Variants in UPF3A observed in about 807,000 individuals in gnomAD.
The protein encoded by UPF3A is UPF3A regulator of nonsense mediated mRNA decay.
UPF3A carries 42 observed loss-of-function variants against 53.5 expected under a neutral mutation model. That is an observed-to-expected ratio of 0.78 (90% CI 0.61 to 1.01). The LOEUF (loss-of-function observed/expected upper bound fraction) is 1.01, where lower values mean the gene tolerates loss of function less well. Ranked by LOEUF, UPF3A falls within the 50% of genes least tolerant of loss-of-function variation. UPF3A has a pLI of 0.00. For missense variants in UPF3A, 575 were observed against 598.0 expected (o/e 0.96, Z 0.40); for synonymous variants, 237 against 225.3 (o/e 1.05, Z -0.47).
intron 3 of UPF3A, 140 bp from the exon 4 acceptor site, chr13:114,286,162 G>A (rs1463494903): frequency 4.6e-6 from 5 of 1,092,706 alleles, no homozygotes; most frequent in Non-Finnish European, 6.3e-6. Flanking sequence ...ATCTCTTACT[G>A]GAAGGATGAA....
At chr13:114,294,689 G>A (rs568676034) in intron 7 of UPF3A, among the ~76,000 whole-genome samples, 1 of 151,968 alleles carries the variant, frequency 6.6e-6, no homozygotes, top group East Asian at 1.9e-4. Context: ...GCTGGGCGTG[G>A]TGGCACACGC....
chr13:114,299,115 T>C, intron 8 of UPF3A, 115 bp downstream of exon 8: 2 of 1,127,754 alleles, frequency 1.8e-6, no homozygotes, highest in Non-Finnish European at 2.4e-6. Context: ...CTTTCCAGGG[T>C]GTGCGAGTAC....
intron 5 of UPF3A, among the ~76,000 whole-genome samples, chr13:114,287,831 TC>T (rs869286208): frequency 4.0e-5 from 6 of 151,756 alleles, no homozygotes; most frequent in African/African-American, 1.5e-4. Context: ...AAGCTTTTTT[TC>T]CCCCCACTCT....
intron 7 of UPF3A, among the ~76,000 whole-genome samples, chr13:114,296,127 G>A (rs1423767144): frequency 6.6e-6 from 1 of 152,240 alleles, no homozygotes; most frequent in East Asian, 1.9e-4. Context: ...GCTCACGCCT[G>A]TAATCCCAGC....
chr13:114,305,039 A>C lies in UPF3A; in HGVS notation c.*122A>C. 2 of 1,343,538 alleles carry C rather than the reference A, an allele frequency of 1.5e-6. No individual in the cohort carries two copies. The highest frequency in any genetic ancestry group is 2.1e-6 in the Non-Finnish European group (2 of 964,764). 83.2% of individuals were successfully genotyped at this position (1,343,538 alleles called of 1,614,324 possible). ...CCAGGAAACTGGAAGCTAAAAATAC[A>C]GAGGGTGACGTAGAAACACGCAGAA... On this transcript the variant is annotated 3_prime_UTR_variant, in exon 10 of 10. Coordinates refer to ENST00000375299, the MANE Select transcript of UPF3A (RefSeq NM_023011.4).
chr13:114,302,427 C>T (rs1421120025), intron 9 of UPF3A, among the ~76,000 whole-genome samples: 3 of 152,086 alleles, frequency 2.0e-5, no homozygotes, highest in Non-Finnish European at 2.9e-5. Context: ...TAGATCTGCA[C>T]GGACGGTGAG....
At chr13:114,290,812 C>T (rs1489277669) in intron 5 of UPF3A, among the ~76,000 whole-genome samples, 1 of 150,762 alleles carries the variant, frequency 6.6e-6, no homozygotes, top group African/African-American at 2.4e-5. Context: ...CGGCTCACTG[C>T]AACCTCCTCC....
Position 114,305,796 on chromosome 13 carries a change from T to C in UPF3A, c.*879T>C, listed in dbSNP as rs1160506822. ...ATTTTAACCATTTATTAAATAAAAA[T>C]TTTGTTAAAGAAGTACTGAAATATT... On this transcript the variant is annotated 3_prime_UTR_variant, in exon 10 of 10. Transcript: ENST00000375299. 2 of 152,182 alleles carry C rather than the reference T, an allele frequency of 1.3e-5. No individual in the cohort carries two copies. Among genetic ancestry groups the C allele is most frequent in the Non-Finnish European group, 2.9e-5 (2 of 68,036 alleles). 9.4% of individuals were successfully genotyped at this position (152,182 alleles called of 1,614,324 possible).
In UPF3A at chr13:114,281,624, CG is replaced by C; in HGVS notation, c.-14del. On this transcript the variant is annotated 5_prime_UTR_variant, in exon 1 of 10. Coordinates refer to ENST00000375299, the MANE Select transcript of UPF3A (RefSeq NM_023011.4). ...TCGTCGGGGGCTGGCGGCTGCGGCT[CG>C]GCGGAGAGTGCGGCATGCGCTCGGA... The C allele has an allele frequency of 7.0e-7, 1 of 1,420,668 alleles. No homozygotes were observed. Among genetic ancestry groups the C allele is most frequent in the Admixed American group, 2.7e-5 (1 of 36,366 alleles). The allele number at this position is 1,420,668 out of a possible 1,614,324, so 88.0% of individuals were successfully genotyped here. A position where few individuals can be genotyped will look rare whatever the true frequency, so the allele number is the denominator to read the frequency against.
At chr13:114,288,682 G>C (rs150368627) in intron 5 of UPF3A, among the ~76,000 whole-genome samples, 1 of 152,200 alleles carries the variant, frequency 6.6e-6, no homozygotes. Flanking sequence ...AGAGATGAGC[G>C]TGTGTTTTGG....
At position 114,291,491 on chromosome 13, in the gene UPF3A, A is replaced by G. The variant is rs1357202473; in HGVS notation, c.634A>G (p.Arg212Gly). 1.4e-5 allele frequency: 22 copies of G among 1,606,454 alleles called. No individual in the cohort carries two copies. The highest frequency in any genetic ancestry group is 8.5e-5 in the Admixed American group (5 of 58,836). The change falls in exon 6 of 10, where the codon AGA becomes GGA. Residue 212 changes from arginine (R) to glycine (G), a missense_variant and splice_region_variant. Arg to Gly is a moderately radical substitution (Grantham distance 125). This residue lies in a region of UPF3A where 323 missense variants were observed against 415.2 expected (regional missense o/e 0.78). Coordinates refer to ENST00000375299, the MANE Select transcript of UPF3A (RefSeq NM_023011.4). ...ATATTACAATTTTTGTGTTTTAGCT[A>G]GAAGAACCACACCTCTTTTGGAATA... ...MEAKTRELIA[R>G]RTTPLLEYIK... is the part of the protein sequence containing the mutation.
intron 5 of UPF3A, among the ~76,000 whole-genome samples, chr13:114,288,543 G>T (rs1245416318): frequency 1.3e-5 from 2 of 152,236 alleles, no homozygotes; most frequent in African/African-American, 4.8e-5. Context: ...AGCGTGGTTG[G>T]AGGTTCAGGG....
chr13:114,281,775 C>A lies in UPF3A; in HGVS notation c.136C>A (p.Pro46Thr). ...DSQQQEAETP[P>T]TSSSGCGGGA... ...GCAGCAGCAGGAGGCTGAGACGCCG[C>A]CAACTTCGTCCTCCGGTTGCGGGGG... The change falls in exon 1 of 10, where the codon CCA becomes ACA. Residue 46 changes from proline to threonine, a missense_variant. Transcript: ENST00000375299. The A allele has an allele frequency of 6.4e-7, 1 of 1,556,560 alleles. No homozygotes were observed. The highest frequency in any genetic ancestry group is 1.4e-5 in the African/African-American group (1 of 73,252).
intron 8 of UPF3A, among the ~76,000 whole-genome samples, chr13:114,300,435 G>A (rs145128518): frequency 1.1e-3 from 170 of 152,194 alleles, no homozygotes; most frequent in African/African-American, 3.8e-3. Flanking sequence ...GCAGTGGCAC[G>A]ATCTCGGCTC....
At chr13:114,282,797 A>AT in intron 2 of UPF3A, 40 bp from the exon 3 acceptor site, 1 of 1,579,920 alleles carries the variant, frequency 6.3e-7, no homozygotes, top group Non-Finnish European at 8.7e-7. Context: ...GGACTATTGT[A>AT]TTTTTCACTG....
rs983756979 is a variant in UPF3A, at chr13:114,289,074, C to A, written c.632-2415C>A. On this transcript the variant is annotated intron_variant, in intron 5 of 9. Coordinates refer to ENST00000375299, the MANE Select transcript of UPF3A (RefSeq NM_023011.4). ...AGGGGGGCATGTCCTGGCACCTCCC[C>A]GAGAGTCTGCTGCACAGCCAATGCT... Among the ~76,000 whole-genome samples the A allele has an allele frequency of 5.3e-5, 8 of 152,116 alleles. No homozygotes were observed. The East Asian group carries it at 1.4e-3, about 26-fold the overall frequency.
chr13:114,287,905 C>G (rs529687900), intron 5 of UPF3A, among the ~76,000 whole-genome samples: 2 of 152,284 alleles, frequency 1.3e-5, no homozygotes, highest in East Asian at 3.9e-4. Context: ...CTTCCCAGTT[C>G]AGGCCATTCT....
In UPF3A at chr13:114,301,213, G is replaced by A. The variant is rs369842969; in HGVS notation, c.1008-518G>A. 1.7e-4 allele frequency among the ~76,000 whole-genome samples: 26 copies of A among 152,094 alleles called. No homozygotes were observed. In the East Asian group the frequency reaches 5.1e-3, roughly 30 times the overall value. ...ACGGTGGCTCACACCTGTAATCCCAGCACTTTGGGAGGCCAAGATGGGCAT... is the reference window on the plus strand; with the variant it reads ...ACGGTGGCTCACACCTGTAATCCCAACACTTTGGGAGGCCAAGATGGGCAT... On this transcript the variant is annotated intron_variant, in intron 8 of 9. Transcript: ENST00000375299.
chr13:114,287,551 A>C (rs1427663052), intron 5 of UPF3A: 1 of 152,284 alleles, frequency 6.6e-6, no homozygotes, highest in Non-Finnish European at 1.5e-5. Flanking sequence ...AGATCGCACC[A>C]CTGCACTCCA....
Sources: allele counts gnomAD v4.1 joint callset (sites outside exome capture counted in the v4.1 genomes callset), GRCh38; gene constraint gnomAD v4.1.1; regional missense constraint gnomAD v4.1.1; transcripts MANE v1.5; gene names NCBI Gene and HGNC (gene_info 2026-07-23, HGNC 2026-07-21).